Variants in CMSS1 observed in about 807,000 individuals in gnomAD.
The protein encoded by CMSS1 is cms1 ribosomal small subunit homolog.
A neutral mutation model predicts 43.5 loss-of-function variants in CMSS1; 33 were observed. The observed-to-expected ratio is 0.76, with a 90% CI of 0.57 to 1.01. The LOEUF (loss-of-function observed/expected upper bound fraction) is 1.01. CMSS1 is among the 50% of genes least tolerant of loss of function. The probability of loss-of-function intolerance (pLI) is 0.00; values close to 1 mark genes in which losing one functional copy is unlikely to be tolerated. For synonymous variants in CMSS1, 115 were observed against 117.2 expected, an observed-to-expected ratio of 0.98 and a Z score of 0.12; for missense variants, 313 against 326.4, an observed-to-expected ratio of 0.96 and a Z score of 0.32.
intron 1 of CMSS1, among the ~76,000 whole-genome samples, chr3:100,145,129 C>T (rs2066837528): frequency 6.6e-6 from 1 of 151,960 alleles, no homozygotes; most frequent in African/African-American, 2.4e-5. Flanking sequence ...CTTTTTTTCT[C>T]ATGCTACACA....
chr3:99,911,524 A>C (rs934974383), intron 1 of CMSS1, among the ~76,000 whole-genome samples: 4 of 151,990 alleles, frequency 2.6e-5, no homozygotes, highest in Non-Finnish European at 5.9e-5. Flanking sequence ...AGGTTGTGGC[A>C]TACAGGGTCT....
chr3:99,891,700 A>G (rs1243310689), intron 1 of CMSS1, among the ~76,000 whole-genome samples: 2 of 152,198 alleles, frequency 1.3e-5, no homozygotes, highest in African/African-American at 4.8e-5. Context: ...TATGTCTAAA[A>G]GGAAATATTT....
At chr3:100,038,157 T>C (rs1353049104) in intron 1 of CMSS1, among the ~76,000 whole-genome samples, 3 of 152,134 alleles carry the variant, frequency 2.0e-5, no homozygotes, top group African/African-American at 7.2e-5. Flanking sequence ...AGTTTCACCA[T>C]ACTGGCCAGG....
Position 99,909,948 on chromosome 3 carries a change from A to ATTTTAT in CMSS1, c.64+91905_64+91906insTTTTAT. ...CAACAAGAGCTGTTGTCATCTGACC[A>ATTTTAT]AAATGAGTGAGAAATTTCAGTTCTC... On this transcript the variant is annotated intron_variant, in intron 1 of 9. Transcript: ENST00000421999. Among the ~76,000 whole-genome samples the ATTTTAT allele has an allele frequency of 5.1e-5, 7 of 138,446 alleles. 1 individual carries two copies. Among genetic ancestry groups the ATTTTAT allele is most frequent in the Non-Finnish European group, 8.3e-5 (5 of 60,262 alleles). The allele number at this position is 138,446 out of a possible 152,430, so 90.8% of individuals were successfully genotyped here.
At chr3:99,843,600 T>C (rs564722362) in intron 1 of CMSS1, among the ~76,000 whole-genome samples, 160 of 152,330 alleles carry the variant, frequency 1.1e-3, no homozygotes, top group African/African-American at 3.6e-3. Flanking sequence ...GTTGAAAATA[T>C]GTTTAATACA....
intron 1 of CMSS1, among the ~76,000 whole-genome samples, chr3:100,118,933 GA>G (rs1375732972): frequency 1.3e-5 from 2 of 152,104 alleles, no homozygotes; most frequent in African/African-American, 4.8e-5. Flanking sequence ...ATAAAGAAGG[GA>G]AATATCAAGA....
chr3:99,990,496 A>G (rs907502261), intron 1 of CMSS1, among the ~76,000 whole-genome samples: 1 of 152,220 alleles, frequency 6.6e-6, no homozygotes, highest in African/African-American at 2.4e-5. Flanking sequence ...TTAAAGTCAA[A>G]CTAACAAATG....
chr3:99,826,078 A>C (rs1195872199), intron 1 of CMSS1, among the ~76,000 whole-genome samples: 1 of 152,142 alleles, frequency 6.6e-6, no homozygotes, highest in African/African-American at 2.4e-5. Context: ...AGCCCGGCCC[A>C]GCACAAGTCT....
chr3:99,901,482 G>A (rs1285359233), intron 1 of CMSS1, among the ~76,000 whole-genome samples: 1 of 152,194 alleles, frequency 6.6e-6, no homozygotes, highest in Admixed American at 6.5e-5. Flanking sequence ...AAATGCCTCA[G>A]AATGAAACTG....
At chr3:99,852,821 C>T (rs761972856) in intron 1 of CMSS1, among the ~76,000 whole-genome samples, 7 of 152,154 alleles carry the variant, frequency 4.6e-5, no homozygotes, top group Non-Finnish European at 1.0e-4. Flanking sequence ...TTCTAATCTG[C>T]TCTTTTCTGT....
chr3:99,922,004 T>C lies in CMSS1; in HGVS notation c.64+103961T>C, dbSNP rs115886300. On this transcript the variant is annotated intron_variant, in intron 1 of 9. Transcript: ENST00000421999. ...TCTCCAGCCTTCCTCCAGAAGATAGTAGAGATACACAGTGAATATCAGAAC... is the reference window on the plus strand; with the variant it reads ...TCTCCAGCCTTCCTCCAGAAGATAGCAGAGATACACAGTGAATATCAGAAC... 4.3e-3 allele frequency among the ~76,000 whole-genome samples: 659 copies of C among 152,276 alleles called. 2 individuals carry two copies. Among genetic ancestry groups the C allele is most frequent in the African/African-American group, 0.014 (578 of 41,542 alleles).
At chr3:100,019,674 A>G (rs1374610546) in intron 1 of CMSS1, among the ~76,000 whole-genome samples, 1 of 152,100 alleles carries the variant, frequency 6.6e-6, no homozygotes, top group East Asian at 1.9e-4. Context: ...TTCTATGTAA[A>G]ACTCTTCTCT....
intron 1 of CMSS1, among the ~76,000 whole-genome samples, chr3:100,021,074 A>G (rs2064807216): frequency 6.6e-6 from 1 of 152,068 alleles, no homozygotes; most frequent in Admixed American, 6.6e-5. Context: ...CTAATTTTGC[A>G]TTTTCTTAGT....
intron 1 of CMSS1, among the ~76,000 whole-genome samples, chr3:100,041,579 T>C (rs1339925142): frequency 6.6e-6 from 1 of 152,028 alleles, no homozygotes; most frequent in African/African-American, 2.4e-5. Flanking sequence ...TTAGCCAAAC[T>C]AAGGCTACAA....
intron 1 of CMSS1, among the ~76,000 whole-genome samples, chr3:99,970,385 T>C (rs760079143): frequency 1.3e-5 from 2 of 152,236 alleles, no homozygotes; most frequent in African/African-American, 4.8e-5. Context: ...CTCTTAAGCA[T>C]GTAATAACTG....
chr3:99,892,666 G>T (rs1706121210), intron 1 of CMSS1, among the ~76,000 whole-genome samples: 1 of 152,096 alleles, frequency 6.6e-6, no homozygotes, highest in South Asian at 2.1e-4. Context: ...ATCTCTTCTG[G>T]TGTCTCTTTA....
chr3:99,876,425 C>G (rs1308253802), intron 1 of CMSS1, among the ~76,000 whole-genome samples: 2 of 152,234 alleles, frequency 1.3e-5, no homozygotes, highest in Non-Finnish European at 2.9e-5. Context: ...TCCTGTCGGG[C>G]TAACAAAGTC....
At chr3:99,988,061 T>A (rs1424623868) in intron 1 of CMSS1, among the ~76,000 whole-genome samples, 2 of 152,222 alleles carry the variant, frequency 1.3e-5, no homozygotes, top group Admixed American at 1.3e-4. Context: ...GTAATTTCAT[T>A]GCTTGTCAAT....
chr3:100,144,245 C>T (rs1006200228), intron 1 of CMSS1, among the ~76,000 whole-genome samples: 1 of 152,168 alleles, frequency 6.6e-6, no homozygotes, highest in African/African-American at 2.4e-5. Context: ...GTACATCTCT[C>T]TATGTAGCCT....
Sources: gnomAD v4.1 joint callset for allele counts (sites outside exome capture counted in the v4.1 genomes callset) on GRCh38, gnomAD v4.1.1 for gene constraint, MANE v1.5 for transcripts, NCBI Gene and HGNC (gene_info 2026-07-23, HGNC 2026-07-21) for gene names.